The following NFATC1 variants were observed in gnomAD, a reference collection of about 807,000 sequenced individuals.
NFATC1 encodes nuclear factor of activated T-cells, cytoplasmic 1.
Under a neutral mutation model 76.0 loss-of-function variants are expected in NFATC1, and 22 were observed. The ratio of observed to expected loss-of-function variants is 0.29; its 90% confidence interval spans 0.21 to 0.41. The LOEUF (loss-of-function observed/expected upper bound fraction) is 0.41. NFATC1 is among the 10% of genes least tolerant of loss of function. The pLI is 1.00. For synonymous variants in NFATC1, 704 were observed against 613.1 expected (o/e 1.15, Z -2.19); for missense variants, 1,357 against 1,337.7 (o/e 1.01, Z -0.23).
intron 9 of NFATC1, among the ~76,000 whole-genome samples, chr18:79,523,077 G>A (rs566242049): frequency 2.0e-5 from 3 of 152,336 alleles, no homozygotes; most frequent in African/African-American, 7.2e-5. Context: ...CAGACTGGGT[G>A]ACTACAGTAC....
At chr18:79,418,010 C>T (rs1046982002) in intron 2 of NFATC1, among the ~76,000 whole-genome samples, 10 of 151,972 alleles carry the variant, frequency 6.6e-5, no homozygotes, top group African/African-American at 9.7e-5. Flanking sequence ...GCTGTGGATG[C>T]GTCCTATTCA....
chr18:79,473,731 ACACT>A (rs1427724276), intron 8 of NFATC1, among the ~76,000 whole-genome samples: 51 of 144,458 alleles, frequency 3.5e-4, no homozygotes, highest in African/African-American at 8.2e-4. Flanking sequence ...GCGTGTTCTC[ACACT>A]CACTGTCGAC....
In NFATC1 at chr18:79,473,916, G is replaced by A. The variant is rs541362869; in HGVS notation, c.2092+6334G>A. Among the ~76,000 whole-genome samples the A allele has an allele frequency of 5.9e-4, 88 of 148,128 alleles. 1 individual carries two copies. Among genetic ancestry groups the A allele is most frequent in the Non-Finnish European group, 9.8e-4 (66 of 67,162 alleles). ...TCACTGTCGACGTTGTGAGGGAAGC[G>A]TGTTCTCACGCTCACTGTCGACATT... On this transcript the variant is annotated intron_variant, in intron 8 of 9. Coordinates refer to ENST00000427363, the MANE Select transcript of NFATC1 (RefSeq NM_001278669.2).
chr18:79,426,480 G>T (rs1420724283), intron 2 of NFATC1, among the ~76,000 whole-genome samples: 2 of 152,214 alleles, frequency 1.3e-5, no homozygotes, highest in Non-Finnish European at 2.9e-5. Flanking sequence ...TGAGCCACGA[G>T]CCACACTGCT....
chr18:79,511,418 A>G (rs1054899497), intron 9 of NFATC1, among the ~76,000 whole-genome samples: 1 of 152,158 alleles, frequency 6.6e-6, no homozygotes, highest in African/African-American at 2.4e-5. Context: ...TGCAAACAGC[A>G]GGTTCTGCCG....
At chr18:79,470,195 CT>C (rs975097267) in intron 8 of NFATC1, 1 of 175,444 alleles carries the variant, frequency 5.7e-6, no homozygotes, top group African/African-American at 2.4e-5. Flanking sequence ...GCCAGCTCTG[CT>C]TCTGCCGACC....
chr18:79,481,374 A>T (rs3786206), intron 8 of NFATC1, among the ~76,000 whole-genome samples: 4 of 152,086 alleles, frequency 2.6e-5, no homozygotes, highest in African/African-American at 9.7e-5. Context: ...GCCTCCTGCC[A>T]CCCCTTCAAA....
At chr18:79,526,011 G>A (rs1194140526) in intron 9 of NFATC1, among the ~76,000 whole-genome samples, 1 of 152,272 alleles carries the variant, frequency 6.6e-6, no homozygotes, top group Non-Finnish European at 1.5e-5. Context: ...GTGGGCGGGA[G>A]GCCGCTGAGC....
Position 79,465,896 on chromosome 18 carries a change from T to G in NFATC1, c.1960-1554T>G, listed in dbSNP as rs182191546. ...TGGGGGCAGCCCAGGCCCCGCCCAC[T>G]GACAGCACTCATGGCCCCTCCGGCG... On this transcript the variant is annotated intron_variant, in intron 7 of 9. Transcript: ENST00000427363. The surrounding 1 kb of genome is among the most constrained non-coding windows in gnomAD (Gnocchi z 4.2). Among the ~76,000 whole-genome samples, 56 of 152,376 alleles carry G rather than the reference T, an allele frequency of 3.7e-4. No homozygotes were observed. The highest frequency in any genetic ancestry group is 1.3e-3 in the African/African-American group (54 of 41,594).
chr18:79,458,474 C>G (rs1043919731), intron 6 of NFATC1, among the ~76,000 whole-genome samples: 3 of 152,000 alleles, frequency 2.0e-5, no homozygotes, highest in Non-Finnish European at 4.4e-5. Context: ...GGGGGTGGCC[C>G]GGCTCCGGGC....
intron 3 of NFATC1, among the ~76,000 whole-genome samples, chr18:79,441,456 G>C (rs1403388244): frequency 6.6e-6 from 1 of 152,166 alleles, no homozygotes; most frequent in Non-Finnish European, 1.5e-5. Flanking sequence ...CTGGAGCTGG[G>C]AGGGCTTGTG....
chr18:79,519,155 CAG>C lies in NFATC1; in HGVS notation c.2783-8371_2783-8370del. Among the ~76,000 whole-genome samples, 2 of 152,152 alleles carry C rather than the reference CAG, an allele frequency of 1.3e-5. 1 individual carries two copies. Among genetic ancestry groups the C allele is most frequent in the South Asian group, 4.1e-4 (2 of 4,828 alleles). Reference sequence around the variant, plus strand: ...CCTCCGGCGGCTGGCAGGCTGCTCACAGATCTCCGAACCATGGTTTGAACAAG... The same window carrying C: ...CCTCCGGCGGCTGGCAGGCTGCTCACATCTCCGAACCATGGTTTGAACAAG... On this transcript the variant is annotated intron_variant, in intron 9 of 9. Transcript: ENST00000427363.
chr18:79,401,256 C>T (rs2085241674), intron 1 of NFATC1, among the ~76,000 whole-genome samples: 1 of 152,006 alleles, frequency 6.6e-6, no homozygotes, highest in East Asian at 2.0e-4. Context: ...CTCGTGTCTG[C>T]CCTCCCCGCG....
intron 6 of NFATC1, among the ~76,000 whole-genome samples, chr18:79,455,276 G>A (rs1332656597): frequency 1.3e-5 from 2 of 152,242 alleles, no homozygotes; most frequent in Non-Finnish European, 2.9e-5. Flanking sequence ...CCGTTTGCCA[G>A]CGATCGCGCA....
At chr18:79,434,354 G>C (rs2086699589) in intron 3 of NFATC1, among the ~76,000 whole-genome samples, 1 of 152,226 alleles carries the variant, frequency 6.6e-6, no homozygotes, top group African/African-American at 2.4e-5. Context: ...ACACCTTGCG[G>C]GAAAGCCACG....
intron 2 of NFATC1, among the ~76,000 whole-genome samples, chr18:79,426,812 G>A (rs950157953): frequency 3.9e-5 from 6 of 152,236 alleles, no homozygotes; most frequent in Non-Finnish European, 8.8e-5. Context: ...GCCCCACCCG[G>A]CCCCCGGGGC....
chr18:79,399,297 G>A (rs558986800), intron 1 of NFATC1, among the ~76,000 whole-genome samples: 7 of 152,352 alleles, frequency 4.6e-5, no homozygotes, highest in African/African-American at 1.7e-4. Context: ...GGAGAAGCCC[G>A]GGGACGACCC....
At chr18:79,418,985 G>A (rs544472228) in intron 2 of NFATC1, among the ~76,000 whole-genome samples, 30 of 152,298 alleles carry the variant, frequency 2.0e-4, no homozygotes, top group African/African-American at 7.2e-4. Flanking sequence ...GGAGGAGAAG[G>A]CACTCTGTTC....
At chr18:79,445,648 C>T (rs569451046) in intron 3 of NFATC1, among the ~76,000 whole-genome samples, 1 of 152,336 alleles carries the variant, frequency 6.6e-6, no homozygotes, top group South Asian at 2.1e-4. Flanking sequence ...CTGTGTACTT[C>T]CTTGGGGCAA....
Sources: gnomAD v4.1 joint callset for allele counts (sites outside exome capture counted in the v4.1 genomes callset) on GRCh38, gnomAD v4.1.1 for gene constraint, Gnocchi (gnomAD v3.1) non-coding constraint, MANE v1.5 for transcripts, NCBI Gene and HGNC (gene_info 2026-07-23, HGNC 2026-07-21) for gene names.